Variants in TBX22 observed in about 807,000 individuals in gnomAD.
TBX22 encodes the protein T-box transcription factor 22, also known as T-box transcription factor TBX22.
Under a neutral mutation model 30.1 loss-of-function variants are expected in TBX22, and 8 were observed. The ratio of observed to expected loss-of-function variants is 0.27; its 90% confidence interval spans 0.16 to 0.48. The LOEUF (loss-of-function observed/expected upper bound fraction) is 0.48. Ranked by LOEUF, TBX22 falls within the 20% of genes least tolerant of loss-of-function variation. TBX22 has a pLI of 0.99. For synonymous variants in TBX22, 173 were observed against 149.1 expected (o/e 1.16, Z -1.17); for missense variants, 463 against 400.5 (o/e 1.16, Z -1.33).
intron 1 of TBX22, among the ~76,000 whole-genome samples, chrX:80,021,413 A>G (rs766413979): frequency 7.6e-4 from 85 of 111,460 alleles, no homozygotes; most frequent in African/African-American, 2.7e-3. Context: ...AACTGGCACA[A>G]CTGCTGCTCA....
chrX:80,022,325 C>A lies in TBX22; in HGVS notation c.56C>A (p.Pro19His), dbSNP rs758506603. ...AFSVEALVGRPSKRKLQDPIQ... is the reference protein window; with the variant it reads ...AFSVEALVGRHSKRKLQDPIQ... The stretch of plus-strand genomic sequence containing the variant: ...TCCGTGGAAGCCTTGGTGGGGAGAC[C>A]CAGCAAAAGAAAACTCCAAGACCCA... Residue 19 changes from proline to histidine, a missense_variant, in exon 2 of 9, where the codon CCC becomes CAC. By Grantham distance (77) the Pro-to-His change is moderately conservative. Coordinates refer to ENST00000373296, the MANE Select transcript of TBX22 (RefSeq NM_001109878.2). 1.2e-5 allele frequency: 15 copies of A among 1,209,284 alleles called. No individual in the cohort carries two copies. The East Asian group carries it at 4.2e-4, about 34-fold the overall frequency.
intron 1 of TBX22, among the ~76,000 whole-genome samples, chrX:80,020,340 A>ATATG: frequency 9.4e-6 from 1 of 106,738 alleles, no homozygotes; most frequent in African/African-American, 3.8e-5. Flanking sequence ...ATAGATAGAC[A>ATATG]GATAGATAGA....
chrX:80,031,120 T>C lies in TBX22; in HGVS notation c.*9T>C, dbSNP rs750349989. On this transcript the variant is annotated 3_prime_UTR_variant, in exon 9 of 9. Coordinates refer to ENST00000373296, the MANE Select transcript of TBX22 (RefSeq NM_001109878.2). ...TTAACCATTACCTTTAGTAAGACAATAGCATTTCTAGAACAATTACATGTA... is the reference window on the plus strand; with the variant it reads ...TTAACCATTACCTTTAGTAAGACAACAGCATTTCTAGAACAATTACATGTA... 1.7e-6 allele frequency: 2 copies of C among 1,199,092 alleles called. No individual in the cohort carries two copies. The highest frequency in any genetic ancestry group is 4.4e-5 in the Admixed American group (2 of 45,693).
At chrX:80,028,863 A>G (rs1363501019) in intron 8 of TBX22, among the ~76,000 whole-genome samples, 3 of 111,283 alleles carry the variant, frequency 2.7e-5, no homozygotes, top group Non-Finnish European at 3.8e-5. Context: ...ACATGATGCC[A>G]TAACAACTAA....
chrX:80,016,335 C>T (rs928847872), intron 1 of TBX22, among the ~76,000 whole-genome samples: 1 of 111,819 alleles, frequency 8.9e-6, no homozygotes, highest in African/African-American at 3.3e-5. Context: ...GAAGGATCTG[C>T]TTCTGTTGGG....
In TBX22 at chrX:80,029,643, C is replaced by A. The variant is rs767589141; in HGVS notation, c.950-855C>A. 1.3e-4 allele frequency among the ~76,000 whole-genome samples: 14 copies of A among 111,587 alleles called. No individual in the cohort carries two copies. In the South Asian group the frequency reaches 4.1e-3, roughly 33 times the overall value. On this transcript the variant is annotated intron_variant, in intron 8 of 8. Coordinates refer to ENST00000373296, the MANE Select transcript of TBX22 (RefSeq NM_001109878.2). Reference sequence around the variant, plus strand: ...CAGAGGAATTTTTTAAATCAGTGTACCTTTGGTCAGAGGAATTTAAAAAAT... The same window carrying A: ...CAGAGGAATTTTTTAAATCAGTGTAACTTTGGTCAGAGGAATTTAAAAAAT...
chrX:80,018,489 T>C (rs1321090707), intron 1 of TBX22, among the ~76,000 whole-genome samples: 2 of 112,178 alleles, frequency 1.8e-5, no homozygotes, highest in African/African-American at 6.5e-5. Context: ...ACCTTTTGAA[T>C]CTGCTTTAGG....
At chrX:80,022,193 C>T (rs1261053470) in intron 1 of TBX22, 75 bp from the exon 2 acceptor site, 1 of 1,025,339 alleles carries the variant, frequency 9.8e-7, no homozygotes, top group Non-Finnish European at 1.4e-6. Context: ...GTGCCCTCCG[C>T]CTGTGTCTCC....
intron 6 of TBX22, 36 bp from the exon 7 acceptor site, chrX:80,027,220 A>G: frequency 1.3e-6 from 1 of 790,417 alleles, no homozygotes; most frequent in Non-Finnish European, 1.9e-6. Context: ...TACTGAAAGC[A>G]ATGACTTTAT....
chrX:80,022,865 G>T (rs1473949760), intron 2 of TBX22, among the ~76,000 whole-genome samples, 195 bp from the exon 3 acceptor site: 1 of 108,290 alleles, frequency 9.2e-6, no homozygotes, highest in African/African-American at 3.4e-5. Flanking sequence ...TAGGTGTCGG[G>T]TGTCGCACCT....
chrX:80,025,514 C>A, intron 4 of TBX22, 89 bp from the exon 5 acceptor site: 1 of 761,049 alleles, frequency 1.3e-6, no homozygotes, highest in Non-Finnish European at 2.0e-6. Context: ...GATCACTGGG[C>A]TAATCTGGAG....
chrX:80,024,285 T>G, intron 4 of TBX22, 121 bp downstream of exon 4: 39 of 573,506 alleles, frequency 6.8e-5, no homozygotes, highest in East Asian at 1.5e-4. Flanking sequence ...GAGTGGGGGA[T>G]TGCTCTCCTG....
chrX:80,026,820 C>T lies in TBX22; in HGVS notation c.750C>T (p.Ser250=). 2.5e-6 allele frequency: 3 copies of T among 1,211,678 alleles called. No individual in the cohort carries two copies. The highest frequency in any genetic ancestry group is 3.4e-6 in the Non-Finnish European group (3 of 895,413). Residue 250 remains serine, a synonymous_variant, in exon 6 of 9, where the codon TCC becomes TCT. Transcript: ENST00000373296. The stretch of plus-strand genomic sequence containing the variant: ...CCACTGAAGGTGTTAAAACATTCTC[C>T]TTTAAAGAAACTGAGTTCACCACAG... ...SLPTEGVKTF[S]FKETEFTTVT...
chrX:80,027,093 C>T (rs1184294424), intron 6 of TBX22, among the ~76,000 whole-genome samples, 163 bp from the exon 7 acceptor site: 1 of 112,197 alleles, frequency 8.9e-6, no homozygotes, highest in African/African-American at 3.2e-5. Context: ...TAAATAGGAG[C>T]TAACCATTCT....
chrX:80,026,851 G>T lies in TBX22; in HGVS notation c.781G>T (p.Ala261Ser). 1 of 1,210,231 alleles carries T rather than the reference G, an allele frequency of 8.3e-7. No homozygotes were observed. Among genetic ancestry groups the T allele is most frequent in the Non-Finnish European group, 1.1e-6 (1 of 895,293 alleles). ...FKETEFTTVT[A>S]YQNQQITKLK... ...AGAAACTGAGTTCACCACAGTAACG[G>T]CTTACCAAAACCAACAGGTAAACTT... is the stretch of plus-strand genomic sequence containing the variant. Residue 261 changes from alanine to serine, a missense_variant, in exon 6 of 9, where the codon GCT (alanine) becomes TCT (serine). Transcript: ENST00000373296.
chrX:80,024,870 G>C (rs1223725736), intron 4 of TBX22, among the ~76,000 whole-genome samples: 1 of 110,862 alleles, frequency 9.0e-6, no homozygotes, highest in Non-Finnish European at 1.9e-5. Context: ...TTGGGGTCCA[G>C]TTCAGGGTTG....
At chrX:80,025,865 G>T (rs958593934) in intron 5 of TBX22, 88 bp downstream of exon 5, 4 of 838,234 alleles carry the variant, frequency 4.8e-6, no homozygotes, top group Non-Finnish European at 6.9e-6. Context: ...GAGGCTTTTT[G>T]CAGATGCACA....
chrX:80,029,039 A>G (rs902720008), intron 8 of TBX22, among the ~76,000 whole-genome samples: 1 of 111,969 alleles, frequency 8.9e-6, no homozygotes, highest in Non-Finnish European at 1.9e-5. Context: ...AAGTCAAAAC[A>G]AATGTGCACT....
chrX:80,019,215 T>C (rs1482490349), intron 1 of TBX22, among the ~76,000 whole-genome samples: 1 of 110,886 alleles, frequency 9.0e-6, no homozygotes, highest in African/African-American at 3.3e-5. Flanking sequence ...GGTACTCAAA[T>C]GATGTTGTGG....
Sources: gnomAD v4.1 joint callset for allele counts (sites outside exome capture counted in the v4.1 genomes callset) on GRCh38, gnomAD v4.1.1 for gene constraint, MANE v1.5 for transcripts, NCBI Gene and HGNC (gene_info 2026-07-23, HGNC 2026-07-21) for gene names.